CNTN5: variants seen among roughly 807,000 people sequenced by gnomAD.
CNTN5 encodes the protein contactin 5.
Under a neutral mutation model 129.1 loss-of-function variants are expected in CNTN5, and 77 were observed. The observed-to-expected ratio is 0.60, with a 90% CI of 0.50 to 0.72. The LOEUF (loss-of-function observed/expected upper bound fraction) is 0.72, where lower values mean the gene tolerates loss of function less well. CNTN5 is among the 30% of genes least tolerant of loss of function. The pLI is 0.00. For synonymous variants in CNTN5, 509 were observed against 465.6 expected, an observed-to-expected ratio of 1.09 and a Z score of -1.20; for missense variants, 1,478 against 1,328.8, an observed-to-expected ratio of 1.11 and a Z score of -1.75.
At chr11:99,525,067 G>A (rs1444099617) in intron 2 of CNTN5, among the ~76,000 whole-genome samples, 1 of 152,066 alleles carries the variant, frequency 6.6e-6, no homozygotes, top group East Asian at 1.9e-4. Flanking sequence ...TAGAAATTAT[G>A]TGCACTAGAT....
At chr11:99,923,926 G>C (rs767669340) in intron 7 of CNTN5, among the ~76,000 whole-genome samples, 3 of 151,978 alleles carry the variant, frequency 2.0e-5, no homozygotes, top group Non-Finnish European at 4.4e-5. Context: ...TAGCTGGTAG[G>C]TACTACAGGC....
At chr11:100,113,190 G>A (rs1257186375) in intron 13 of CNTN5, among the ~76,000 whole-genome samples, 1 of 151,422 alleles carries the variant, frequency 6.6e-6, no homozygotes, top group African/African-American at 2.4e-5. Flanking sequence ...TTGAACATTT[G>A]GTATGTAGCT....
At chr11:99,643,349 C>A (rs1330282541) in intron 3 of CNTN5, among the ~76,000 whole-genome samples, 2 of 151,986 alleles carry the variant, frequency 1.3e-5, no homozygotes, top group African/African-American at 2.4e-5. Flanking sequence ...TGAGGCAATA[C>A]CTTGTGATTA....
chr11:99,139,992 T>A (rs1859433726), intron 1 of CNTN5, among the ~76,000 whole-genome samples: 1 of 152,174 alleles, frequency 6.6e-6, no homozygotes, highest in African/African-American at 2.4e-5. Flanking sequence ...TCCAAGCTTA[T>A]TCTCCGTTTT....
chr11:99,436,842 T>A (rs533136026), intron 2 of CNTN5, among the ~76,000 whole-genome samples: 104 of 152,288 alleles, frequency 6.8e-4, no homozygotes, highest in Non-Finnish European at 1.2e-3. Context: ...CTTCATACAC[T>A]CAACATCGAG....
At chr11:99,743,829 A>T (rs11221184) in intron 3 of CNTN5, among the ~76,000 whole-genome samples, 9,820 of 152,306 alleles carry the variant, frequency 0.064, 426 homozygotes, top group Non-Finnish European at 0.097. Context: ...CTAAATATAG[A>T]TAAGTATTAA....
intron 16 of CNTN5, among the ~76,000 whole-genome samples, chr11:100,252,555 G>C (rs1224450168): frequency 1.3e-5 from 2 of 152,074 alleles, no homozygotes; most frequent in Non-Finnish European, 2.9e-5. Context: ...TGGTCTTATA[G>C]TTAGCTCTTT....
chr11:99,745,999 G>A (rs1445464605), intron 3 of CNTN5, among the ~76,000 whole-genome samples: 1 of 152,084 alleles, frequency 6.6e-6, no homozygotes, highest in Non-Finnish European at 1.5e-5. Flanking sequence ...TACCAAAAAA[G>A]TAACACTAAA....
intron 8 of CNTN5, among the ~76,000 whole-genome samples, chr11:99,998,261 A>G (rs1191046200): frequency 2.6e-5 from 4 of 152,106 alleles, no homozygotes; most frequent in Middle Eastern, 3.4e-3. Context: ...AAACCCCATC[A>G]TCTCAGCCCA....
chr11:99,994,323 C>A (rs1201807661), intron 8 of CNTN5, among the ~76,000 whole-genome samples: 1 of 151,910 alleles, frequency 6.6e-6, no homozygotes, highest in African/African-American at 2.4e-5. Flanking sequence ...TGTCGTACAA[C>A]CTTGGTACCT....
intron 3 of CNTN5, among the ~76,000 whole-genome samples, chr11:99,707,378 C>G (rs610931): frequency 0.99 from 150,439 of 151,700 alleles, 74,609 homozygotes; most frequent in East Asian, 1. Context: ...AACAAATACA[C>G]CTTCAAAGAA....
At chr11:99,288,076 C>T (rs1864016844) in intron 1 of CNTN5, among the ~76,000 whole-genome samples, 2 of 151,940 alleles carry the variant, frequency 1.3e-5, no homozygotes, top group East Asian at 3.9e-4. Flanking sequence ...GAAAAATGAA[C>T]AAGAAAAAAT....
intron 18 of CNTN5, among the ~76,000 whole-genome samples, chr11:100,293,632 T>C (rs1951042717): frequency 6.6e-6 from 1 of 151,772 alleles, no homozygotes; most frequent in Admixed American, 6.6e-5. Flanking sequence ...ACAGGTATAA[T>C]TAGTATCTCC....
intron 15 of CNTN5, among the ~76,000 whole-genome samples, chr11:100,224,341 T>G (rs1949327982): frequency 6.6e-6 from 1 of 152,174 alleles, no homozygotes; most frequent in South Asian, 2.1e-4. Flanking sequence ...TACGATTTTC[T>G]TGCCACAAAA....
At chr11:99,131,918 G>C (rs1208004824) in intron 1 of CNTN5, among the ~76,000 whole-genome samples, 1 of 152,132 alleles carries the variant, frequency 6.6e-6, no homozygotes, top group Non-Finnish European at 1.5e-5. Flanking sequence ...GCATCATCTT[G>C]ACATCAAAAC....
At chr11:100,258,975 G>A (rs112973395) in intron 17 of CNTN5, among the ~76,000 whole-genome samples, 3,649 of 152,164 alleles carry the variant, frequency 0.024, 139 homozygotes, top group African/African-American at 0.082. Context: ...TGGGCTAAAT[G>A]CCCCAGTTAA....
chr11:99,315,240 A>G (rs1865292633), intron 1 of CNTN5, among the ~76,000 whole-genome samples: 1 of 141,484 alleles, frequency 7.1e-6, no homozygotes, highest in South Asian at 2.4e-4. Flanking sequence ...TTTAGAAAAA[A>G]AAAGTATTAC....
intron 1 of CNTN5, among the ~76,000 whole-genome samples, chr11:99,233,736 A>G (rs1040131768): frequency 6.6e-6 from 1 of 152,152 alleles, no homozygotes; most frequent in Non-Finnish European, 1.5e-5. Context: ...TCACGAGGTC[A>G]GGAGATGGAG....
chr11:100,234,621 A>G (rs1341555005), intron 16 of CNTN5, among the ~76,000 whole-genome samples: 3 of 149,908 alleles, frequency 2.0e-5, no homozygotes, highest in African/African-American at 7.3e-5. Context: ...GGAGGGGAAC[A>G]TTCACACATC....
Sources: allele counts gnomAD v4.1 joint callset (sites outside exome capture counted in the v4.1 genomes callset), GRCh38; gene constraint gnomAD v4.1.1; transcripts MANE v1.5; gene names NCBI Gene and HGNC (gene_info 2026-07-23, HGNC 2026-07-21).